The following PDE1C variants were observed in gnomAD, a reference collection of about 807,000 sequenced individuals.
PDE1C encodes the protein dual specificity calcium/calmodulin-dependent 3',5'-cyclic nucleotide phosphodiesterase 1C.
In PDE1C, 62 loss-of-function variants were observed where a neutral mutation model predicts 93.1. That is an observed-to-expected ratio of 0.67 (90% CI 0.54 to 0.82). The LOEUF (loss-of-function observed/expected upper bound fraction) is 0.82. PDE1C is among the 40% of genes least tolerant of loss of function. The probability of loss-of-function intolerance (pLI) is 0.00; values close to 1 mark genes in which losing one functional copy is unlikely to be tolerated. For synonymous variants in PDE1C, 325 were observed against 310.1 expected (o/e 1.05, Z -0.50); for missense variants, 742 against 884.6 (o/e 0.84, Z 2.04).
At chr7:32,039,541 G>A (rs990633749) in intron 2 of PDE1C, among the ~76,000 whole-genome samples, 1 of 152,254 alleles carries the variant, frequency 6.6e-6, no homozygotes, top group African/African-American at 2.4e-5. Flanking sequence ...CAACGGGGAC[G>A]ACCCTGTCCC....
intron 2 of PDE1C, among the ~76,000 whole-genome samples, chr7:31,910,625 C>G (rs1452322137): frequency 1.3e-5 from 2 of 152,210 alleles, no homozygotes; most frequent in Non-Finnish European, 2.9e-5. Context: ...TTCTCACGAG[C>G]CTGTAAGTTA....
the PDE1C span, among the ~76,000 whole-genome samples, chr7:31,678,099 CT>C: frequency 2.6e-5 from 4 of 152,070 alleles, no homozygotes; most frequent in African/African-American, 9.7e-5. Flanking sequence ...ACGAGTAAGA[CT>C]AAAAAACAGT....
At chr7:32,267,164 A>AAC (rs1005091710) in intron 1 of PDE1C, among the ~76,000 whole-genome samples, 2 of 152,228 alleles carry the variant, frequency 1.3e-5, no homozygotes, top group African/African-American at 4.8e-5. Flanking sequence ...CCCTGTCGTT[A>AAC]GAGACCCGAC....
chr7:31,652,213 C>T, the PDE1C span, among the ~76,000 whole-genome samples: 2 of 152,204 alleles, frequency 1.3e-5, no homozygotes, highest in Non-Finnish European at 2.9e-5. Flanking sequence ...CAAGGGTACA[C>T]AGCCAGCTGA....
rs187736695 is a variant in PDE1C, at chr7:31,926,117, C to A, written c.129-45257G>T. On this transcript the variant is annotated intron_variant, in intron 2 of 17. Coordinates refer to ENST00000396191, the MANE Select transcript of PDE1C (RefSeq NM_001191057.4). ...GGATGGATAGGATATATTCTATTTA[C>A]CCTACACACGTCTGTACATACACAC... Among the ~76,000 whole-genome samples, 20 of 152,112 alleles carry A rather than the reference C, an allele frequency of 1.3e-4. No individual in the cohort carries two copies. The East Asian group carries it at 3.5e-3, about 26-fold the overall frequency.
chr7:31,682,602 G>T, the PDE1C span, among the ~76,000 whole-genome samples: 1 of 152,106 alleles, frequency 6.6e-6, no homozygotes, highest in Non-Finnish European at 1.5e-5. Context: ...TACCATATGG[G>T]CCAGCAATTG....
the PDE1C span, chr7:31,687,230 G>GGAGC: frequency 6.6e-6 from 1 of 152,612 alleles, no homozygotes; most frequent in Non-Finnish European, 1.5e-5. Flanking sequence ...CTGCCGCAGA[G>GGAGC]GAGCCAGGCC....
chr7:31,799,596 C>T (rs1318088104), intron 16 of PDE1C, among the ~76,000 whole-genome samples: 3 of 151,644 alleles, frequency 2.0e-5, no homozygotes, highest in Non-Finnish European at 4.4e-5. Flanking sequence ...AAAACACATA[C>T]ATTTCTTCAG....
rs533351066 is a variant in PDE1C at position 31,928,290 on chromosome 7, T to G, written c.129-47430A>C. On this transcript the variant is annotated intron_variant, in intron 2 of 17. Transcript: ENST00000396191. ...AGCCTCCAAGAAATATGGGACTATG[T>G]GAAAAGACCAAAGCTATGATTGTAC... Among the ~76,000 whole-genome samples the G allele has an allele frequency of 1.2e-3, 184 of 152,172 alleles. 1 individual carries two copies. The highest frequency in any genetic ancestry group is 4.3e-3 in the African/African-American group (180 of 41,522).
chr7:31,788,248 A>T (rs1394401231), intron 16 of PDE1C: 1 of 152,216 alleles, frequency 6.6e-6, no homozygotes, highest in African/African-American at 2.4e-5. Context: ...TAAATGAGGT[A>T]AAAGGTCCAG....
chr7:31,828,231 G>A (rs1789935242), intron 12 of PDE1C, 61 bp downstream of exon 12: 3 of 1,359,312 alleles, frequency 2.2e-6, no homozygotes, highest in African/African-American at 1.4e-5. Flanking sequence ...GGGATCATCT[G>A]TGCTTACTTC....
At chr7:32,001,893 C>G (rs1278992965) in intron 2 of PDE1C, among the ~76,000 whole-genome samples, 1 of 152,080 alleles carries the variant, frequency 6.6e-6, no homozygotes, top group Admixed American at 6.5e-5. Flanking sequence ...AACCCCACCT[C>G]TACTAAAATA....
At chr7:32,291,148 A>G (rs949420934) in intron 1 of PDE1C, among the ~76,000 whole-genome samples, 4 of 152,186 alleles carry the variant, frequency 2.6e-5, no homozygotes, top group Admixed American at 1.3e-4. Context: ...GAGCACATTG[A>G]AATACAGAAA....
intron 2 of PDE1C, among the ~76,000 whole-genome samples, chr7:31,989,800 GCCTGTGTTGT>G (rs1783938049): frequency 6.6e-6 from 1 of 152,144 alleles, no homozygotes; most frequent in South Asian, 2.1e-4. Flanking sequence ...ACTTTATCTT[GCCTGTGTTGT>G]CATTTACTAC....
chr7:32,335,462 G>T (rs1222076907), intron 1 of PDE1C, among the ~76,000 whole-genome samples: 4 of 152,210 alleles, frequency 2.6e-5, no homozygotes, highest in African/African-American at 9.6e-5. Context: ...GTGGCTTAAA[G>T]AATGGAAATT....
intron 3 of PDE1C, among the ~76,000 whole-genome samples, chr7:32,139,233 TC>T (rs1800379340): frequency 6.7e-6 from 1 of 149,846 alleles, no homozygotes; most frequent in Non-Finnish European, 1.5e-5. Context: ...ACTACTGGGC[TC>T]AAGTGATCCT....
At chr7:32,358,401 C>G (rs187333812) in intron 1 of PDE1C, among the ~76,000 whole-genome samples, 150 of 152,244 alleles carry the variant, frequency 9.9e-4, no homozygotes, top group African/African-American at 3.4e-3. Flanking sequence ...AAACAGCAGC[C>G]CCTCTCAAGC....
intron 1 of PDE1C, among the ~76,000 whole-genome samples, chr7:32,267,437 G>T (rs769986371): frequency 6.6e-6 from 1 of 152,124 alleles, no homozygotes; most frequent in Non-Finnish European, 1.5e-5. Flanking sequence ...TCCACGTAAG[G>T]AACAGATGAA....
chr7:31,626,913 A>G, the PDE1C span, among the ~76,000 whole-genome samples: 1 of 152,270 alleles, frequency 6.6e-6, no homozygotes, highest in Non-Finnish European at 1.5e-5. Context: ...ACAAATAAAT[A>G]TAGCAAGCTT....
Sources: allele counts gnomAD v4.1 joint callset (sites outside exome capture counted in the v4.1 genomes callset), GRCh38; gene constraint gnomAD v4.1.1; transcripts MANE v1.5; gene names NCBI Gene and HGNC (gene_info 2026-07-23, HGNC 2026-07-21).